Variants in DIP2C observed in about 807,000 individuals in gnomAD.
DIP2C encodes DIP2 acetate--CoA ligase C (putative), also known as disco-interacting protein 2 homolog C.
DIP2C carries 33 observed loss-of-function variants against 192.4 expected under a neutral mutation model. The ratio of observed to expected loss-of-function variants is 0.17; its 90% CI spans 0.13 to 0.23. The LOEUF (loss-of-function observed/expected upper bound fraction) is 0.23, where lower values mean the gene tolerates loss of function less well. Among genes scored for constraint, DIP2C ranks in the 10% least tolerant of loss-of-function variants. The pLI is 1.00. For missense variants in DIP2C, 1,537 were observed against 2,110.1 expected (o/e 0.73, Z 5.32); for synonymous variants, 979 against 864.1 (o/e 1.13, Z -2.33).
intron 1 of DIP2C, among the ~76,000 whole-genome samples, chr10:637,156 A>T (rs182856222): frequency 1.1e-4 from 17 of 152,376 alleles, no homozygotes; most frequent in African/African-American, 3.8e-4. Context: ...TGAAGCCAGA[A>T]AATCTGACAG....
chr10:538,771 C>CCT (rs1847829840), intron 1 of DIP2C, among the ~76,000 whole-genome samples: 1 of 152,126 alleles, frequency 6.6e-6, no homozygotes. Flanking sequence ...GATAACTGTA[C>CCT]CTATTAATAC....
chr10:640,808 G>A (rs985560439), intron 1 of DIP2C, among the ~76,000 whole-genome samples: 5 of 151,876 alleles, frequency 3.3e-5, no homozygotes, highest in Non-Finnish European at 7.4e-5. Context: ...CCGAGAACCT[G>A]GGGGCAGCAA....
rs201476457 is a variant in DIP2C, at chr10:289,566, CCTCA to C, written c.3987-1149_3987-1146del. Among the ~76,000 whole-genome samples, 605 of 152,294 alleles carry C rather than the reference CCTCA, an allele frequency of 4.0e-3. 17 individuals are homozygous for C. Among genetic ancestry groups the C allele is most frequent in the Admixed American group, 0.037 (559 of 15,300 alleles). ...TACAGGTGTAGCCACCATGCCCAGC[CCTCA>C]CTGAGATTTGAAACACACCAAGAAC... On this transcript the variant is annotated intron_variant, in intron 32 of 36. Coordinates refer to ENST00000280886, the MANE Select transcript of DIP2C (RefSeq NM_014974.3).
chr10:302,327 T>A (rs945328680), intron 32 of DIP2C, among the ~76,000 whole-genome samples: 1 of 151,986 alleles, frequency 6.6e-6, no homozygotes, highest in African/African-American at 2.4e-5. Context: ...GTGTGCAGGA[T>A]CACATGGCCA....
At chr10:525,987 A>ACC in intron 1 of DIP2C, among the ~76,000 whole-genome samples, 1 of 151,974 alleles carries the variant, frequency 6.6e-6, no homozygotes, top group East Asian at 1.9e-4. Flanking sequence ...AGGCAGTGGA[A>ACC]CCCCCGCACA....
At chr10:424,377 T>G (rs1966433717) in intron 4 of DIP2C, among the ~76,000 whole-genome samples, 1 of 90,386 alleles carries the variant, frequency 1.1e-5, no homozygotes, top group African/African-American at 5.0e-5. Flanking sequence ...TTTTTTTTTT[T>G]TTTTTTGAGA....
intron 1 of DIP2C, among the ~76,000 whole-genome samples, chr10:655,592 C>T (rs59201249): frequency 2.6e-5 from 4 of 152,124 alleles, no homozygotes; most frequent in Admixed American, 2.6e-4. Flanking sequence ...CTGTGCTTTG[C>T]GACTCTACTA....
At chr10:397,336 C>T (rs1430190686) in intron 10 of DIP2C, among the ~76,000 whole-genome samples, 1 of 152,124 alleles carries the variant, frequency 6.6e-6, no homozygotes, top group African/African-American at 2.4e-5. Context: ...TCGAGACCAG[C>T]CTGGCCAACG....
intron 1 of DIP2C, among the ~76,000 whole-genome samples, chr10:613,158 A>G (rs917925536): frequency 6.6e-6 from 1 of 152,228 alleles, no homozygotes; most frequent in African/African-American, 2.4e-5. Context: ...GGAAATTACC[A>G]GAGTTCATAA....
At chr10:522,308 A>C (rs1050624971) in intron 1 of DIP2C, among the ~76,000 whole-genome samples, 2 of 152,224 alleles carry the variant, frequency 1.3e-5, no homozygotes, top group African/African-American at 2.4e-5. Context: ...GATGTACCAC[A>C]GTTTATCCAT....
intron 5 of DIP2C, among the ~76,000 whole-genome samples, chr10:422,553 T>G (rs974607202): frequency 1.3e-5 from 2 of 152,148 alleles, no homozygotes; most frequent in Admixed American, 6.5e-5. Flanking sequence ...AGGTTTCATG[T>G]AGGAGCATAA....
intron 4 of DIP2C, among the ~76,000 whole-genome samples, chr10:435,988 C>T (rs1473917179): frequency 2.0e-5 from 3 of 151,744 alleles, no homozygotes; most frequent in Non-Finnish European, 4.4e-5. Flanking sequence ...TAAACAGGTA[C>T]AATTAATTTT....
At chr10:549,933 T>C (rs144384598) in intron 1 of DIP2C, among the ~76,000 whole-genome samples, 2 of 151,582 alleles carry the variant, frequency 1.3e-5, no homozygotes, top group East Asian at 1.9e-4. Context: ...AGCCTGACAA[T>C]GCAGAGTCCC....
chr10:482,684 C>A (rs1843694168), intron 2 of DIP2C, among the ~76,000 whole-genome samples: 3 of 152,204 alleles, frequency 2.0e-5, no homozygotes, highest in African/African-American at 7.2e-5. Flanking sequence ...GAAGGTTCCA[C>A]CATTTATAGC....
chr10:292,884 G>A (rs543094909), intron 32 of DIP2C, among the ~76,000 whole-genome samples: 32 of 152,334 alleles, frequency 2.1e-4, no homozygotes, highest in African/African-American at 7.2e-4. Flanking sequence ...AAAGGCGGAT[G>A]AGCACAGCTG....
chr10:568,020 C>G (rs572463199), intron 1 of DIP2C, among the ~76,000 whole-genome samples: 2 of 152,208 alleles, frequency 1.3e-5, no homozygotes, highest in Non-Finnish European at 1.5e-5. Flanking sequence ...CTACAACACT[C>G]GAAGCATCAC....
intron 3 of DIP2C, among the ~76,000 whole-genome samples, chr10:450,176 G>A (rs1306693931): frequency 6.6e-6 from 1 of 152,156 alleles, no homozygotes; most frequent in Non-Finnish European, 1.5e-5. Context: ...GAGGTCCCAC[G>A]TAGACATTCG....
chr10:570,971 G>A (rs945205306), intron 1 of DIP2C, among the ~76,000 whole-genome samples: 1 of 152,184 alleles, frequency 6.6e-6, no homozygotes, highest in East Asian at 1.9e-4. Flanking sequence ...GACTCCCACC[G>A]GAGCCCCGGC....
chr10:674,829 G>GAGAGAGAGAC (rs1467929602), intron 1 of DIP2C, among the ~76,000 whole-genome samples: 1 of 142,876 alleles, frequency 7.0e-6, no homozygotes, highest in Non-Finnish European at 1.5e-5. Flanking sequence ...GAGAGAGAGA[G>GAGAGAGAGAC]ACCAACACAA....
Sources: gnomAD v4.1 joint callset for allele counts (sites outside exome capture counted in the v4.1 genomes callset) on GRCh38, gnomAD v4.1.1 for gene constraint, MANE v1.5 for transcripts, NCBI Gene and HGNC (gene_info 2026-07-23, HGNC 2026-07-21) for gene names.